Variants in CHD1 observed in about 807,000 individuals in gnomAD.
CHD1 encodes the protein ATP-dependent chromatin remodeler CHD1.
In CHD1, 36 loss-of-function variants were observed where a neutral mutation model predicts 224.2. That is an observed-to-expected ratio of 0.16 (90% confidence interval 0.12 to 0.21). CHD1 has a LOEUF of 0.21. Among genes scored for constraint, CHD1 ranks in the 10% least tolerant of loss-of-function variants. The pLI, the probability that CHD1 is intolerant of heterozygous loss-of-function variation, is 1.00. For missense variants in CHD1, 1,378 were observed against 1,994.8 expected, an observed-to-expected ratio of 0.69 and a Z score of 5.89; for synonymous variants, 668 against 658.3, an observed-to-expected ratio of 1.01 and a Z score of -0.23.
At chr5:98,891,541 TG>T (rs1751019128) in intron 15 of CHD1, among the ~76,000 whole-genome samples, 1 of 152,030 alleles carries the variant, frequency 6.6e-6, no homozygotes, top group Non-Finnish European at 1.5e-5. Context: ...CTGGGCACAG[TG>T]GCTCATACCT....
intron 2 of CHD1, 21 bp downstream of exon 2, chr5:98,926,313 G>A (rs1256605088): frequency 7.0e-7 from 1 of 1,432,674 alleles, no homozygotes; most frequent in Admixed American, 2.4e-5. Flanking sequence ...GTAAACAATT[G>A]ATAACAAAGT....
At chr5:98,857,467 A>G (rs1252585205) in intron 35 of CHD1, among the ~76,000 whole-genome samples, 1 of 152,088 alleles carries the variant, frequency 6.6e-6, no homozygotes, top group Admixed American at 6.6e-5. Flanking sequence ...GTGCTGACAG[A>G]GGTTCTCAAA....
rs1299325134 is a variant in CHD1 at position 98,911,168 on chromosome 5, T to C, written c.54-6070A>G. On this transcript the variant is annotated intron_variant, in intron 2 of 35. Coordinates refer to ENST00000614616, the MANE Select transcript of CHD1 (RefSeq NM_001270.4). The stretch of plus-strand genomic sequence containing the variant: ...AAAAATATATATATATATATATATA[T>C]ATATATATAGAGGCATGTCAAAAAG... Among the ~76,000 whole-genome samples the C allele has an allele frequency of 3.8e-3, 500 of 130,320 alleles. 25 individuals are homozygous for C. Among genetic ancestry groups the C allele is most frequent in the African/African-American group, 0.014 (458 of 33,378 alleles). The allele number at this position is 130,320 out of a possible 152,430, so 85.5% of individuals were successfully genotyped here.
chr5:98,856,865 CTTAA>C lies in CHD1; in HGVS notation c.4788-144_4788-141del, dbSNP rs1314793201. ...ATTCAGTGTTGCATTATAAAACTTA[CTTAA>C]TTAACTCAAAAATCACTGGATATAT... On this transcript the variant is annotated intron_variant, in intron 35 of 35. Transcript: ENST00000614616. The C allele has an allele frequency of 4.1e-5, 25 of 616,670 alleles. 1 individual carries two copies. Among genetic ancestry groups the C allele is most frequent in the East Asian group, 2.5e-4 (9 of 35,936 alleles). The allele number at this position is 616,670 out of a possible 1,614,324, so 38.2% of individuals were successfully genotyped here.
intron 8 of CHD1, among the ~76,000 whole-genome samples, chr5:98,899,085 A>G (rs1261562760): frequency 6.6e-6 from 1 of 152,188 alleles, no homozygotes; most frequent in African/African-American, 2.4e-5. Context: ...GATCCTCTAC[A>G]GATACCAGAA....
rs914180656 is a variant in CHD1 at position 98,855,022 on chromosome 5, A to C, written c.*1358T>G. The C allele has an allele frequency of 8.5e-5, 13 of 152,188 alleles. No homozygotes were observed. The highest frequency in any genetic ancestry group is 5.9e-5 in the Non-Finnish European group (4 of 68,042). 9.4% of individuals were successfully genotyped at this position (152,188 alleles called of 1,614,324 possible). The stretch of plus-strand genomic sequence containing the variant: ...ATGACCTAAGTTTTACTTCATAGGA[A>C]TATTCATAGTCTCCAAAACAGATTT... On this transcript the variant is annotated 3_prime_UTR_variant, in exon 36 of 36. Coordinates refer to ENST00000614616, the MANE Select transcript of CHD1 (RefSeq NM_001270.4).
chr5:98,871,814 T>G (rs571071113), intron 28 of CHD1, among the ~76,000 whole-genome samples: 1 of 152,274 alleles, frequency 6.6e-6, no homozygotes, highest in East Asian at 1.9e-4. Flanking sequence ...CCTCGTAATT[T>G]GAAAAATAAT....
In CHD1 at chr5:98,889,271, G is replaced by C. The variant is rs200257967; in HGVS notation, c.2181-33C>G. ...AAAAAAATTATGAAAACGATGTTTA[G>C]CAGAACAATTACCAGGATAAATTCT... On this transcript the variant is annotated intron_variant, in intron 15 of 35. Coordinates refer to ENST00000614616, the MANE Select transcript of CHD1 (RefSeq NM_001270.4). 1.7e-4 allele frequency: 250 copies of C among 1,454,708 alleles called. 2 individuals are homozygous for C. The East Asian group carries it at 5.7e-3, about 33-fold the overall frequency. 90.1% of individuals were successfully genotyped at this position (1,454,708 alleles called of 1,614,324 possible).
At position 98,856,594 on chromosome 5, in the gene CHD1, T is replaced by A; in HGVS notation, c.4919A>T (p.His1640Leu). The A allele has an allele frequency of 6.2e-7, 1 of 1,613,876 alleles. No individual in the cohort carries two copies. Among genetic ancestry groups the A allele is most frequent in the African/African-American group, 1.3e-5 (1 of 75,042 alleles). ...TTCAGAACTTGACCGGTGGTCTGAA[T>A]GTAACCGATGATCTGAGTGAGAACG... Reference protein sequence around the residue: ...DHRSHSDHRLHSDHRSSSEYT... With the variant: ...DHRSHSDHRLLSDHRSSSEYT... The change falls in exon 36 of 36, where the codon CAT (histidine) becomes CTT (leucine). Residue 1640 changes from histidine to leucine, a missense_variant. Coordinates refer to ENST00000614616, the MANE Select transcript of CHD1 (RefSeq NM_001270.4).
chr5:98,884,704 T>C (rs992852497), intron 18 of CHD1, among the ~76,000 whole-genome samples: 11 of 151,734 alleles, frequency 7.2e-5, no homozygotes, highest in Non-Finnish European at 1.2e-4. Context: ...TTTGTTGTTT[T>C]TGGGTTTTTT....
intron 3 of CHD1, 28 bp from the exon 4 acceptor site, chr5:98,903,936 G>T: frequency 7.0e-7 from 1 of 1,421,498 alleles, no homozygotes; most frequent in Non-Finnish European, 9.7e-7. Context: ...ACCAGTGAAT[G>T]AAGAAGTATT....
In CHD1 at chr5:98,899,751, T is replaced by C. The variant is rs201793316; in HGVS notation, c.860-46A>G. ...TCCTTCCATGTAATTAATTCTGTTGTAGGATTATATTTCAACTCAAAATTT... is the reference window on the plus strand; with the variant it reads ...TCCTTCCATGTAATTAATTCTGTTGCAGGATTATATTTCAACTCAAAATTT... On this transcript the variant is annotated intron_variant, in intron 7 of 35. Transcript: ENST00000614616. The C allele has an allele frequency of 3.9e-4, 523 of 1,353,818 alleles. 1 individual carries two copies. The African/African-American group carries it at 6.6e-3, about 17-fold the overall frequency. The allele number at this position is 1,353,818 out of a possible 1,614,324, so 83.9% of individuals were successfully genotyped here.
chr5:98,875,179 A>T, intron 24 of CHD1, 66 bp from the exon 25 acceptor site: 1 of 859,274 alleles, frequency 1.2e-6, no homozygotes, highest in Non-Finnish European at 1.9e-6. Context: ...CGTATTTCTG[A>T]TATTTACAGA....
chr5:98,927,880 C>T (rs1053473796), intron 1 of CHD1, among the ~76,000 whole-genome samples: 9 of 152,180 alleles, frequency 5.9e-5, no homozygotes, highest in African/African-American at 2.2e-4. Flanking sequence ...TCTGAAGCTC[C>T]AAGCGCACAC....
chr5:98,921,096 T>A (rs1276487561), intron 2 of CHD1, among the ~76,000 whole-genome samples: 1 of 152,198 alleles, frequency 6.6e-6, no homozygotes, highest in African/African-American at 2.4e-5. Flanking sequence ...TGTTTCCCCA[T>A]CTGGAAAGTG....
chr5:98,896,532 TTAAA>T, intron 11 of CHD1, 90 bp from the exon 12 acceptor site: 3 of 811,546 alleles, frequency 3.7e-6, no homozygotes, highest in Non-Finnish European at 5.9e-6. Flanking sequence ...TTTTATGAAG[TTAAA>T]TAAAATTGAT....
chr5:98,874,394 G>T (rs1174997921), intron 25 of CHD1, among the ~76,000 whole-genome samples: 1 of 151,896 alleles, frequency 6.6e-6, no homozygotes, highest in Non-Finnish European at 1.5e-5. Flanking sequence ...ATGAATTTGA[G>T]AAACTTAAGA....
intron 2 of CHD1, among the ~76,000 whole-genome samples, chr5:98,926,032 T>A (rs561261894): frequency 2.0e-5 from 3 of 152,178 alleles, no homozygotes; most frequent in Middle Eastern, 6.8e-3. Flanking sequence ...ACAATTTAAA[T>A]CTATTATACA....
At chr5:98,867,795 G>GTTTTTTTTT (rs71619163) in intron 31 of CHD1, among the ~76,000 whole-genome samples, 3 of 98,062 alleles carry the variant, frequency 3.1e-5, no homozygotes, top group Admixed American at 1.3e-4. Flanking sequence ...TATCTTCCTT[G>GTTTTTTTTT]TTTTTTTTTT....
Sources: gnomAD v4.1 joint callset for allele counts (sites outside exome capture counted in the v4.1 genomes callset) on GRCh38, gnomAD v4.1.1 for gene constraint, MANE v1.5 for transcripts, NCBI Gene and HGNC (gene_info 2026-07-23, HGNC 2026-07-21) for gene names.